NPAS2: variants seen among roughly 807,000 people sequenced by gnomAD.
NPAS2 encodes neuronal PAS domain protein 2.
In NPAS2, 23 loss-of-function variants were observed where a neutral mutation model predicts 107.5. The ratio of observed to expected loss-of-function variants is 0.21; its 90% confidence interval spans 0.15 to 0.30. NPAS2 has a LOEUF of 0.30. Among genes scored for constraint, NPAS2 ranks in the 10% least tolerant of loss-of-function variants. The probability of loss-of-function intolerance (pLI) is 1.00; values close to 1 mark genes in which losing one functional copy is unlikely to be tolerated. For missense variants in NPAS2, 756 were observed against 1,043.3 expected (o/e 0.72, Z 3.79); for synonymous variants, 403 against 417.5 (o/e 0.97, Z 0.42).
chr2:100,836,302 G>A (rs1170857093), intron 1 of NPAS2, among the ~76,000 whole-genome samples: 2 of 152,138 alleles, frequency 1.3e-5, no homozygotes, highest in Admixed American at 1.3e-4. Context: ...AGAGAGGTGG[G>A]ATCAGCCACC....
intron 1 of NPAS2, among the ~76,000 whole-genome samples, chr2:100,891,161 G>A (rs1170970044): frequency 1.3e-5 from 2 of 151,938 alleles, no homozygotes; most frequent in African/African-American, 4.8e-5. Flanking sequence ...GAACCCGGGG[G>A]GTGGAGCTTG....
chr2:100,953,050 A>G lies in NPAS2; in HGVS notation c.598+3570A>G, dbSNP rs1474437907. On this transcript the variant is annotated intron_variant, in intron 7 of 20. Transcript: ENST00000335681. The stretch of plus-strand genomic sequence containing the variant: ...ATTCTAACTGGGATTAAAATAGCAA[A>G]AATTGTCAGAGACAAATGAATTTCT... Among the ~76,000 whole-genome samples, 90 of 134,098 alleles carry G rather than the reference A, an allele frequency of 6.7e-4. 4 individuals are homozygous for G. Among genetic ancestry groups the G allele is most frequent in the Middle Eastern group, 3.5e-3 (1 of 288 alleles). The allele number at this position is 134,098 out of a possible 152,430, so 88.0% of individuals were successfully genotyped here. A position where few individuals can be genotyped will look rare whatever the true frequency, so the allele number is the denominator to read the frequency against.
At position 100,990,108 on chromosome 2, in the gene NPAS2, C is replaced by T. The variant is rs2105317491; in HGVS notation, c.1828-148C>T. ...AATACAATCCAATGGGGAAGACAGT[C>T]ACAGATCAAAGTAATTCAGTAGTTG... On this transcript the variant is annotated intron_variant, in intron 17 of 20. Coordinates refer to ENST00000335681, the MANE Select transcript of NPAS2 (RefSeq NM_002518.4). The T allele has an allele frequency of 5.4e-6, 4 of 738,328 alleles. No individual in the cohort carries two copies. In the South Asian group the frequency reaches 6.9e-5, roughly 13 times the overall value. 45.7% of individuals were successfully genotyped at this position (738,328 alleles called of 1,614,324 possible).
Position 100,995,488 on chromosome 2 carries a change from C to G in NPAS2, c.2381C>G (p.Pro794Arg), listed in dbSNP as rs751895331. ...YSQQPGTLGY[P>R]QPPPAQPQPL... ...CAACAGCCAGGGACCCTGGGCTACCCCCAACCACCCCCAGCACAGCCCCAG... is the reference window on the plus strand; with the variant it reads ...CAACAGCCAGGGACCCTGGGCTACCGCCAACCACCCCCAGCACAGCCCCAG... The change falls in exon 21 of 21, where the codon CCC becomes CGC. Residue 794 changes from proline (P) to arginine (R), a missense_variant. By Grantham distance (103) the Pro-to-Arg change is moderately radical. Around this residue, in one of 4 missense-constraint regions of NPAS2, gnomAD observed 496 missense variants for 594.4 expected, o/e 0.83. Coordinates refer to ENST00000335681, the MANE Select transcript of NPAS2 (RefSeq NM_002518.4). 8 of 1,613,874 alleles carry G rather than the reference C, an allele frequency of 5.0e-6. No individual in the cohort carries two copies. In the African/African-American group the frequency reaches 1.1e-4, roughly 22 times the overall value.
intron 1 of NPAS2, among the ~76,000 whole-genome samples, chr2:100,888,945 C>T (rs1680882381): frequency 6.6e-6 from 1 of 152,212 alleles, no homozygotes; most frequent in Non-Finnish European, 1.5e-5. Context: ...GGAACTCAGT[C>T]TCTTTTTAAA....
At chr2:100,947,512 A>G (rs1363529342) in intron 5 of NPAS2, among the ~76,000 whole-genome samples, 1 of 150,856 alleles carries the variant, frequency 6.6e-6, no homozygotes, top group Non-Finnish European at 1.5e-5. Flanking sequence ...AGATCACACC[A>G]TTGCACTCCA....
chr2:100,981,159 C>T (rs1372962833), intron 15 of NPAS2, among the ~76,000 whole-genome samples: 1 of 152,180 alleles, frequency 6.6e-6, no homozygotes, highest in Non-Finnish European at 1.5e-5. Context: ...AACTCTCCTG[C>T]TCTCCTTGCC....
chr2:100,948,119 T>A, intron 5 of NPAS2, 116 bp from the exon 6 acceptor site: 1 of 1,164,294 alleles, frequency 8.6e-7, no homozygotes, highest in Non-Finnish European at 1.2e-6. Flanking sequence ...AATCAGATAT[T>A]GAACTTTCCA....
chr2:100,982,308 C>G lies in NPAS2; in HGVS notation c.1560C>G (p.Ile520Met). ...GGACGCGGATCCTGCAGGCCAATAT[C>G]CGGTGGCAACAGGAAGAGCTCCACA... ...EQRTRILQAN[I>M]RWQQEELHKI... is the part of the protein sequence containing the mutation. Residue 520 changes from isoleucine (I) to methionine (M), a missense_variant, in exon 16 of 21, where the codon ATC becomes ATG. Physicochemically the swap from Ile to Met is conservative, Grantham distance 10. Around this residue, in one of 4 missense-constraint regions of NPAS2, gnomAD observed 496 missense variants for 594.4 expected, o/e 0.83. Coordinates refer to ENST00000335681, the MANE Select transcript of NPAS2 (RefSeq NM_002518.4). The G allele has an allele frequency of 6.2e-7, 1 of 1,614,214 alleles. No homozygotes were observed. The highest frequency in any genetic ancestry group is 1.1e-5 in the South Asian group (1 of 91,084).
intron 1 of NPAS2, among the ~76,000 whole-genome samples, chr2:100,851,858 G>A (rs1678195764): frequency 6.6e-6 from 1 of 152,130 alleles, no homozygotes; most frequent in Admixed American, 6.5e-5. Context: ...GAATGAGTGA[G>A]TAGTCTTATT....
At chr2:100,906,370 C>T (rs1282872025) in intron 2 of NPAS2, among the ~76,000 whole-genome samples, 1 of 152,222 alleles carries the variant, frequency 6.6e-6, no homozygotes, top group Non-Finnish European at 1.5e-5. Context: ...ATGTGAGCTG[C>T]ATTCCTGGCC....
At chr2:100,847,114 A>T (rs1353803582) in intron 1 of NPAS2, 2 of 152,250 alleles carry the variant, frequency 1.3e-5, no homozygotes. Flanking sequence ...CTGGAGTTTG[A>T]TCTCAGCTGT....
intron 5 of NPAS2, among the ~76,000 whole-genome samples, chr2:100,939,749 C>A (rs1674467672): frequency 6.6e-6 from 1 of 152,190 alleles, no homozygotes; most frequent in African/African-American, 2.4e-5. Flanking sequence ...CTGCTTTATG[C>A]TCTTGTAATT....
chr2:100,822,591 A>G (rs1380618477), intron 1 of NPAS2: 1 of 152,242 alleles, frequency 6.6e-6, no homozygotes, highest in Non-Finnish European at 1.5e-5. Flanking sequence ...ATAATAAGGC[A>G]TGCGTATACT....
At chr2:100,882,444 C>T (rs540586388) in intron 1 of NPAS2, among the ~76,000 whole-genome samples, 1 of 152,098 alleles carries the variant, frequency 6.6e-6, no homozygotes, top group Non-Finnish European at 1.5e-5. Flanking sequence ...CCCATCTCTA[C>T]TAAAAATACA....
intron 2 of NPAS2, among the ~76,000 whole-genome samples, chr2:100,919,800 A>G (rs946100688): frequency 9.2e-5 from 14 of 151,874 alleles, no homozygotes; most frequent in South Asian, 2.1e-4. Context: ...ACCCCTGACT[A>G]TGCACCCCTC....
chr2:100,884,202 T>G (rs1680560056), intron 1 of NPAS2, among the ~76,000 whole-genome samples: 1 of 152,178 alleles, frequency 6.6e-6, no homozygotes, highest in Admixed American at 6.5e-5. Context: ...TTGTCAGTAT[T>G]TTAAGTTTCT....
intron 1 of NPAS2, among the ~76,000 whole-genome samples, chr2:100,845,794 G>C (rs1023476512): frequency 6.6e-6 from 1 of 152,170 alleles, no homozygotes; most frequent in Non-Finnish European, 1.5e-5. Flanking sequence ...TTTTGGTAGT[G>C]ACCAGCTGTC....
At chr2:100,827,168 C>T (rs1017623288) in intron 1 of NPAS2, among the ~76,000 whole-genome samples, 2 of 152,038 alleles carry the variant, frequency 1.3e-5, no homozygotes, top group African/African-American at 4.8e-5. Flanking sequence ...GATATGTTTC[C>T]AAGAAAACCC....
Sources: gnomAD v4.1 joint callset for allele counts (sites outside exome capture counted in the v4.1 genomes callset) on GRCh38, gnomAD v4.1.1 for gene constraint, gnomAD v4.1.1 regional missense constraint, MANE v1.5 for transcripts, NCBI Gene and HGNC (gene_info 2026-07-23, HGNC 2026-07-21) for gene names.